The following NCAPH variants were observed in gnomAD, a reference collection of about 807,000 sequenced individuals.
The protein encoded by NCAPH is non-SMC condensin I complex subunit H.
A neutral mutation model predicts 85.5 loss-of-function variants in NCAPH; 38 were observed. The ratio of observed to expected loss-of-function variants is 0.44; its 90% CI spans 0.34 to 0.58. The LOEUF is 0.58. Ranked by LOEUF, NCAPH falls within the 20% of genes least tolerant of loss-of-function variation. The pLI, the probability that NCAPH is intolerant of heterozygous loss-of-function variation, is 0.01. For synonymous variants in NCAPH, 301 were observed against 335.1 expected (o/e 0.90, Z 1.11); for missense variants, 789 against 916.6 (o/e 0.86, Z 1.80).
rs1012848126 is a variant in NCAPH, at chr2:96,374,134, C to A, written c.*783C>A. Among the ~76,000 whole-genome samples, 51 of 152,158 alleles carry A rather than the reference C, an allele frequency of 3.4e-4. No homozygotes were observed. Among genetic ancestry groups the A allele is most frequent in the African/African-American group, 8.4e-4 (35 of 41,448 alleles). On this transcript the variant is annotated 3_prime_UTR_variant, in exon 18 of 18. Transcript: ENST00000240423. Reference sequence around the variant, plus strand: ...TCTCAGCATCCCTAGGAGAAACTTACTATTGTGACTCTCATGTTGGAGGAG... The same window carrying A: ...TCTCAGCATCCCTAGGAGAAACTTAATATTGTGACTCTCATGTTGGAGGAG...
intron 16 of NCAPH, 86 bp from the exon 17 acceptor site, chr2:96,369,339 T>C: frequency 1.8e-6 from 2 of 1,130,766 alleles, no homozygotes; most frequent in Non-Finnish European, 1.3e-6. Context: ...GTTTAGTCAT[T>C]GCATGTGTGT....
At chr2:96,362,927 CTT>C (rs917297782) in intron 12 of NCAPH, among the ~76,000 whole-genome samples, 7 of 152,220 alleles carry the variant, frequency 4.6e-5, no homozygotes, top group Middle Eastern at 3.4e-3. Context: ...AAAAGATTGA[CTT>C]TGAATTTGAA....
At position 96,342,810 on chromosome 2, in the gene NCAPH, A is replaced by T. The variant is rs1422450276; in HGVS notation, c.418A>T (p.Ile140Phe). The T allele has an allele frequency of 6.2e-7, 1 of 1,613,112 alleles. No homozygotes were observed. Among genetic ancestry groups the T allele is most frequent in the East Asian group, 2.2e-5 (1 of 44,872 alleles). The change falls in exon 4 of 18, where the codon ATT becomes TTT. Residue 140 changes from isoleucine to phenylalanine, a missense_variant. By Grantham distance (21) the Ile-to-Phe change is conservative. Transcript: ENST00000240423. ...GLHLIDFMSEILKQKDTEPTN... is the reference protein window; with the variant it reads ...GLHLIDFMSEFLKQKDTEPTN... Reference sequence around the variant, plus strand: ...GCACTTGATTGATTTTATGTCAGAGATTCTTAAACAGAAAGACACCGAACC... The same window carrying T: ...GCACTTGATTGATTTTATGTCAGAGTTTCTTAAACAGAAAGACACCGAACC...
chr2:96,364,671 A>G, intron 13 of NCAPH, 80 bp downstream of exon 13: 1 of 1,023,038 alleles, frequency 9.8e-7, no homozygotes, highest in Admixed American at 2.0e-5. Flanking sequence ...CCCATTTTAT[A>G]TGGTGGGAGA....
At chr2:96,372,176 G>A (rs765809063) in intron 17 of NCAPH, among the ~76,000 whole-genome samples, 1 of 152,240 alleles carries the variant, frequency 6.6e-6, no homozygotes, top group Non-Finnish European at 1.5e-5. Context: ...TAGCTGCTTA[G>A]TCCTGAGGGA....
Position 96,369,387 on chromosome 2 carries a change from G to A in NCAPH, c.2091-38G>A, listed in dbSNP as rs140512207. The A allele has an allele frequency of 7.7e-6, 12 of 1,549,666 alleles. No individual in the cohort carries two copies. The East Asian group carries it at 1.6e-4, about 20-fold the overall frequency. On this transcript the variant is annotated intron_variant, in intron 16 of 17. Coordinates refer to ENST00000240423, the MANE Select transcript of NCAPH (RefSeq NM_015341.5). ...TGATGAACGAGCTTTTGTTCTAACA[G>A]TTGGCAGTGACCTAAATACTTGCCC...
intron 6 of NCAPH, among the ~76,000 whole-genome samples, chr2:96,349,260 GC>G (rs2104443148): frequency 1.3e-5 from 2 of 152,280 alleles, no homozygotes; most frequent in Admixed American, 1.3e-4. Flanking sequence ...ATCCTGGAAA[GC>G]TTTTTTTGCT....
chr2:96,342,719 A>G, intron 3 of NCAPH, 37 bp from the exon 4 acceptor site: 4 of 1,507,680 alleles, frequency 2.7e-6, no homozygotes, highest in Non-Finnish European at 3.7e-6. Flanking sequence ...AGCCTAGGCT[A>G]TAAATAACAA....
At position 96,344,243 on chromosome 2, in the gene NCAPH, T is replaced by C. The variant is rs776962902; in HGVS notation, c.720+14T>C. 4.4e-6 allele frequency: 7 copies of C among 1,594,672 alleles called. No homozygotes were observed. The highest frequency in any genetic ancestry group is 1.8e-5 in the Admixed American group (1 of 54,910). ...CGGAAGTGTGAGGTGAGGAACTGTA[T>C]GCGCAGTGTGGTTTCTGACTAATTC... On this transcript the variant is annotated intron_variant, in intron 6 of 17. Coordinates refer to ENST00000240423, the MANE Select transcript of NCAPH (RefSeq NM_015341.5).
rs749211631 is a variant in NCAPH at position 96,360,573 on chromosome 2, TA to T, written c.1465-8del. ...GTTAAAATGCCTAAAACACTTTTTT[TA>T]AAAAAATTAATAGGCTGCTACTATT... On this transcript the variant is annotated splice_polypyrimidine_tract_variant and intron_variant, in intron 11 of 17. Coordinates refer to ENST00000240423, the MANE Select transcript of NCAPH (RefSeq NM_015341.5). 1 of 1,611,148 alleles carries T rather than the reference TA, an allele frequency of 6.2e-7. No homozygotes were observed. The highest frequency in any genetic ancestry group is 1.3e-5 in the African/African-American group (1 of 74,662).
At chr2:96,339,222 GTTTT>G (rs1216786329) in intron 1 of NCAPH, among the ~76,000 whole-genome samples, 1 of 152,124 alleles carries the variant, frequency 6.6e-6, no homozygotes, top group Non-Finnish European at 1.5e-5. Flanking sequence ...TTGTTTGTTT[GTTTT>G]GTTTTTTTGT....
intron 6 of NCAPH, among the ~76,000 whole-genome samples, chr2:96,346,949 A>G (rs781352311): frequency 6.6e-6 from 1 of 152,152 alleles, no homozygotes; most frequent in Non-Finnish European, 1.5e-5. Context: ...ATTGAAATCA[A>G]TAAGAGCTAC....
At chr2:96,346,500 T>G (rs1220060648) in intron 6 of NCAPH, among the ~76,000 whole-genome samples, 1 of 151,896 alleles carries the variant, frequency 6.6e-6, no homozygotes, top group Non-Finnish European at 1.5e-5. Flanking sequence ...TTGAGCTGAG[T>G]GAATGGACAC....
chr2:96,367,028 G>A lies in NCAPH; in HGVS notation c.1882-229G>A, dbSNP rs186757797. Among the ~76,000 whole-genome samples the A allele has an allele frequency of 1.6e-4, 24 of 152,174 alleles. No individual in the cohort carries two copies. The Middle Eastern group carries it at 0.01, about 65-fold the overall frequency. ...GGAGAATCGCTTGAACCCAGGAGGC[G>A]GAGGTTGCAGTGAGCTGAGATTGCA... On this transcript the variant is annotated intron_variant, in intron 14 of 17. Coordinates refer to ENST00000240423, the MANE Select transcript of NCAPH (RefSeq NM_015341.5).
intron 12 of NCAPH, among the ~76,000 whole-genome samples, chr2:96,361,566 C>G (rs2064609692): frequency 6.6e-6 from 1 of 151,548 alleles, no homozygotes; most frequent in African/African-American, 2.4e-5. Context: ...CTGATTACTG[C>G]CTCCTTCATT....
intron 6 of NCAPH, among the ~76,000 whole-genome samples, chr2:96,350,081 G>A (rs1302466421): frequency 6.6e-6 from 1 of 152,366 alleles, no homozygotes; most frequent in South Asian, 2.1e-4. Flanking sequence ...TAGCGCCAAG[G>A]ATTTGCTTTT....
chr2:96,348,830 A>G (rs1346367380), intron 6 of NCAPH, among the ~76,000 whole-genome samples: 3 of 151,772 alleles, frequency 2.0e-5, no homozygotes, highest in Non-Finnish European at 4.4e-5. Flanking sequence ...TTGTATTTTT[A>G]GTAGAGATGG....
chr2:96,361,646 C>T (rs2064611072), intron 12 of NCAPH, among the ~76,000 whole-genome samples: 1 of 151,552 alleles, frequency 6.6e-6, no homozygotes, highest in Non-Finnish European at 1.5e-5. Flanking sequence ...ATTCCATTCA[C>T]ATCCTCTGCT....
intron 1 of NCAPH, among the ~76,000 whole-genome samples, chr2:96,339,986 C>T (rs1308620682): frequency 6.6e-6 from 1 of 152,070 alleles, no homozygotes; most frequent in African/African-American, 2.4e-5. Flanking sequence ...GTAGTGGCGC[C>T]ATCTCGGCTC....
Sources: gnomAD v4.1 joint callset for allele counts (sites outside exome capture counted in the v4.1 genomes callset) on GRCh38, gnomAD v4.1.1 for gene constraint, MANE v1.5 for transcripts, NCBI Gene and HGNC (gene_info 2026-07-23, HGNC 2026-07-21) for gene names.